The following GNAS variants were observed in gnomAD, a reference collection of about 807,000 sequenced individuals.
GNAS encodes the protein protein ALEX.
A neutral mutation model predicts 54.5 loss-of-function variants in GNAS; 8 were observed. The ratio of observed to expected loss-of-function variants is 0.15; its 90% CI spans 0.09 to 0.26. GNAS has a LOEUF of 0.26. Ranked by LOEUF, GNAS falls within the 10% of genes least tolerant of loss-of-function variation. The pLI is 1.00. For synonymous variants in GNAS, 204 were observed against 191.4 expected, an observed-to-expected ratio of 1.07 and a Z score of -0.54; for missense variants, 170 against 529.8, an observed-to-expected ratio of 0.32 and a Z score of 6.67.
intron 1 of GNAS, chr20:58,881,813 G>T (rs2088241297): frequency 6.6e-6 from 1 of 152,174 alleles, no homozygotes; most frequent in Admixed American, 6.5e-5. Context: ...GATAAAAATA[G>T]ATGTAATTAG....
intron 1 of GNAS, chr20:58,882,921 G>T (rs1243795794): frequency 6.6e-6 from 1 of 151,976 alleles, no homozygotes; most frequent in Non-Finnish European, 1.5e-5. Flanking sequence ...TTTTACCTGC[G>T]CAGTACAGGT....
intron 1 of GNAS, chr20:58,876,470 T>G (rs2087824708): frequency 1.3e-5 from 2 of 152,190 alleles, no homozygotes; most frequent in South Asian, 4.2e-4. Flanking sequence ...AGAATGACAT[T>G]GTCACAAAAT....
upstream of GNAS, among the ~76,000 whole-genome samples, chr20:58,890,439 G>A (rs2089076384): frequency 6.6e-6 from 1 of 151,814 alleles, no homozygotes; most frequent in African/African-American, 2.4e-5. Flanking sequence ...GTGGCGGCCC[G>A]GGCCGCTCAA....
intron 1 of GNAS, chr20:58,892,464 T>A (rs928449959): frequency 1.4e-5 from 1 of 71,642 alleles, no homozygotes; most frequent in Non-Finnish European, 2.8e-5. Context: ...CCGAGGAGAG[T>A]GGGGGGGCTG....
At chr20:58,904,957 T>A (rs917274944) in intron 5 of GNAS, among the ~76,000 whole-genome samples, 1 of 152,174 alleles carries the variant, frequency 6.6e-6, no homozygotes, top group Non-Finnish European at 1.5e-5. Flanking sequence ...TTTGGTAAGA[T>A]TCACATTTTC....
chr20:58,889,346 A>C, upstream of GNAS: 1 of 984,950 alleles, frequency 1.0e-6, no homozygotes, highest in Non-Finnish European at 1.2e-6. Context: ...AGTGCACCTC[A>C]CTCACATGTA....
At chr20:58,864,447 TTATTAA>T (rs2086931725) in intron 1 of GNAS, among the ~76,000 whole-genome samples, 1 of 152,208 alleles carries the variant, frequency 6.6e-6, no homozygotes, top group African/African-American at 2.4e-5. Flanking sequence ...CTGAATTCAC[TTATTAA>T]TTAAATCATT....
chr20:58,902,344 C>T (rs1008096974), intron 3 of GNAS, among the ~76,000 whole-genome samples: 1 of 152,176 alleles, frequency 6.6e-6, no homozygotes, highest in African/African-American at 2.4e-5. Context: ...CCTGGCTGTG[C>T]TTCTAATGAA....
In GNAS at chr20:58,853,110, A is replaced by AC. The variant is rs1305587316; in HGVS notation, c.43+12230dup. Reference sequence around the variant, plus strand: ...GTCTAGGGTTCCTTCCAGGCCTTGAACCCCCCAACCTCACAAGGGTTGGAA... The same window carrying AC: ...GTCTAGGGTTCCTTCCAGGCCTTGAACCCCCCCAACCTCACAAGGGTTGGAA... On this transcript the variant is annotated intron_variant, in intron 1 of 12. Transcript: ENST00000306090. This position sits in a 1 kb window ranked among gnomAD's most constrained non-coding sequence, Gnocchi z 4.4. The AC allele has an allele frequency of 3.5e-6, 5 of 1,422,912 alleles. No individual in the cohort carries two copies. The highest frequency in any genetic ancestry group is 2.5e-5 in the East Asian group (1 of 39,380). The allele number at this position is 1,422,912 out of a possible 1,614,324, so 88.1% of individuals were successfully genotyped here.
intron 1 of GNAS, among the ~76,000 whole-genome samples, chr20:58,875,081 T>C (rs186350139): frequency 6.6e-5 from 10 of 152,330 alleles, no homozygotes; most frequent in South Asian, 4.1e-4. Flanking sequence ...ATGTTAAAAA[T>C]AAGACAAGGG....
chr20:58,892,133 T>C lies in GNAS; in HGVS notation c.139+268T>C, dbSNP rs1456116605. ...GCCTGCCCGCTCAGTGTCTCTCTCT[T>C]GCTCTCGCTCTCGCTCTCCCCCTCT... On this transcript the variant is annotated intron_variant, in intron 1 of 12. Coordinates refer to ENST00000371085, the MANE Select transcript of GNAS (RefSeq NM_000516.7). The C allele has an allele frequency of 3.0e-5, 29 of 957,330 alleles. No individual in the cohort carries two copies. The East Asian group carries it at 3.5e-4, about 12-fold the overall frequency. The allele number at this position is 957,330 out of a possible 1,614,324, so 59.3% of individuals were successfully genotyped here.
At chr20:58,855,618 C>T (rs2086451970) in intron 1 of GNAS, 2 of 716,830 alleles carry the variant, frequency 2.8e-6, no homozygotes, top group Admixed American at 2.0e-5. Flanking sequence ...CGCCAGCAAC[C>T]GTAAGCTGGA....
At chr20:58,849,242 C>G (rs1218439008) in intron 1 of GNAS, among the ~76,000 whole-genome samples, 1 of 152,128 alleles carries the variant, frequency 6.6e-6, no homozygotes. Context: ...CCAAATACCA[C>G]CAGTGCAGAG....
chr20:58,843,122 CG>C (rs371853226), intron 1 of GNAS, among the ~76,000 whole-genome samples: 47 of 152,086 alleles, frequency 3.1e-4, no homozygotes, highest in African/African-American at 9.4e-4. Context: ...CAAACTGCCT[CG>C]CCATCTGCAT....
chr20:58,884,470 G>A (rs2088455214), intron 1 of GNAS: 1 of 152,166 alleles, frequency 6.6e-6, no homozygotes, highest in Admixed American at 6.5e-5. Flanking sequence ...ACATCTCCAG[G>A]TGCACCAACT....
chr20:58,890,759 C>G (rs892181958), upstream of GNAS: 1 of 152,156 alleles, frequency 6.6e-6, no homozygotes, highest in Non-Finnish European at 1.5e-5. Flanking sequence ...CACCCCGCCA[C>G]CGCCACCAGA....
At chr20:58,899,549 T>C in intron 3 of GNAS, 4 of 534,694 alleles carry the variant, frequency 7.5e-6, no homozygotes, top group South Asian at 6.0e-5. Context: ...CAAAGGCACT[T>C]TACGTTAGCT....
At chr20:58,895,999 C>T (rs2090012288) in intron 2 of GNAS, among the ~76,000 whole-genome samples, 1 of 152,172 alleles carries the variant, frequency 6.6e-6, no homozygotes, top group Non-Finnish European at 1.5e-5. Flanking sequence ...CTCTCCGGGC[C>T]AGGTCCCTGC....
intron 1 of GNAS, among the ~76,000 whole-genome samples, chr20:58,880,710 A>G (rs1182431608): frequency 6.6e-6 from 1 of 151,564 alleles, no homozygotes; most frequent in Non-Finnish European, 1.5e-5. Context: ...TTGCATTTGC[A>G]TATTTGCTGT....
Sources: gnomAD v4.1 joint callset for allele counts (sites outside exome capture counted in the v4.1 genomes callset) on GRCh38, gnomAD v4.1.1 for gene constraint, Gnocchi (gnomAD v3.1) non-coding constraint, MANE v1.5 for transcripts, NCBI Gene and HGNC (gene_info 2026-07-23, HGNC 2026-07-21) for gene names.